Variants in PRKDC observed in about 807,000 individuals in gnomAD.
PRKDC encodes the protein DNA-dependent protein kinase catalytic subunit.
A neutral mutation model predicts 486.9 loss-of-function variants in PRKDC; 82 were observed. The observed-to-expected ratio is 0.17, with a 90% CI of 0.14 to 0.20. The LOEUF (loss-of-function observed/expected upper bound fraction) is 0.20. PRKDC is among the 10% of genes least tolerant of loss of function. PRKDC has a pLI of 1.00. For synonymous variants in PRKDC, 1,895 were observed against 1,837.0 expected, an observed-to-expected ratio of 1.03 and a Z score of -0.81; for missense variants, 4,504 against 5,038.2, an observed-to-expected ratio of 0.89 and a Z score of 3.21.
At chr8:47,878,987 C>T (rs2089148816) in intron 39 of PRKDC, among the ~76,000 whole-genome samples, 1 of 152,200 alleles carries the variant, frequency 6.6e-6, no homozygotes, top group African/African-American at 2.4e-5. Flanking sequence ...ATAAGGGATG[C>T]TCAACCTATC....
intron 77 of PRKDC, among the ~76,000 whole-genome samples, chr8:47,784,800 T>C (rs2086763362): frequency 6.6e-6 from 1 of 152,110 alleles, no homozygotes; most frequent in African/African-American, 2.4e-5. Flanking sequence ...TGAAGAAAAG[T>C]TATTCAGGAG....
intron 74 of PRKDC, among the ~76,000 whole-genome samples, chr8:47,793,540 T>A (rs1186763096): frequency 6.6e-6 from 1 of 151,560 alleles, no homozygotes; most frequent in African/African-American, 2.4e-5. Context: ...CTCAGGAGGC[T>A]GAGGCAGGGA....
At chr8:47,866,696 A>G (rs1589753042) in intron 40 of PRKDC, among the ~76,000 whole-genome samples, 1 of 152,236 alleles carries the variant, frequency 6.6e-6, no homozygotes, top group East Asian at 1.9e-4. Context: ...TGTTGGCCAG[A>G]CAGTAGTGAA....
At chr8:47,937,205 G>GAGCTGAGATCGCGCCACTGCA (rs2090367715) in intron 11 of PRKDC, among the ~76,000 whole-genome samples, 1 of 152,066 alleles carries the variant, frequency 6.6e-6, no homozygotes, top group Admixed American at 6.5e-5. Context: ...AGGTTGCGGT[G>GAGCTGAGATCGCGCCACTGCA]AGCTGAGATC....
rs751814283 is a variant in PRKDC, at chr8:47,887,661, C to G, written c.4458G>C (p.Leu1486=). The part of the protein sequence containing the change: ...HHSVGTELLS[L]VYKGIAPGDE... ...CTCCAGGGGCAATGCCTTTATAAAC[C>G]AGGGAAAGAAGTTCTGTGCCAACAG... is the stretch of plus-strand genomic sequence containing the variant. The change falls in exon 35 of 86, where the codon CTG becomes CTC. Residue 1486 remains leucine, a synonymous_variant. Transcript: ENST00000314191. 6.2e-7 allele frequency: 1 copy of G among 1,610,038 alleles called. No homozygotes were observed. Among genetic ancestry groups the G allele is most frequent in the Non-Finnish European group, 8.5e-7 (1 of 1,178,224 alleles).
intron 7 of PRKDC, among the ~76,000 whole-genome samples, chr8:47,948,776 T>A (rs1031748379): frequency 6.6e-6 from 1 of 152,180 alleles, no homozygotes; most frequent in Non-Finnish European, 1.5e-5. Flanking sequence ...GTGCCTTATA[T>A]ATATGTACCC....
Position 47,935,883 on chromosome 8 carries a change from A to G in PRKDC, c.1296T>C (p.Thr432=). The G allele has an allele frequency of 1.2e-6, 2 of 1,613,838 alleles. No individual in the cohort carries two copies. The highest frequency in any genetic ancestry group is 1.7e-6 in the Non-Finnish European group (2 of 1,179,822). ...LYLDTVPEVY[T]PVLEHLVVMQ... ...TCACCACGAGGTGCTCCAGAACTGG[A>G]GTATACACCTCAGGAACCTACCGGA... The change falls in exon 13 of 86, where the codon ACT becomes ACC. Residue 432 remains threonine (T), a synonymous_variant. Transcript: ENST00000314191.
chr8:47,898,522 T>C lies in PRKDC; in HGVS notation c.3412A>G (p.Ile1138Val), dbSNP rs1337204383. The C allele has an allele frequency of 1.9e-6, 3 of 1,564,374 alleles. No homozygotes were observed. Among genetic ancestry groups the C allele is most frequent in the Admixed American group, 3.6e-5 (2 of 55,348 alleles). Residue 1138 changes from isoleucine to valine, a missense_variant, in exon 29 of 86, where the codon ATT (isoleucine) becomes GTT (valine). Coordinates refer to ENST00000314191, the MANE Select transcript of PRKDC (RefSeq NM_006904.7). Reference sequence around the variant, plus strand: ...TTTAAAGAAACATGCTTCTTTTCAATGATGCGGCATAGGTGATCAATGGCA... The same window carrying C: ...TTTAAAGAAACATGCTTCTTTTCAACGATGCGGCATAGGTGATCAATGGCA... ...CDAIDHLCRI[I>V]EKKHVSLNKA... is the part of the protein sequence containing the mutation.
Position 47,826,743 on chromosome 8 carries a change from C to A in PRKDC, c.8696G>T (p.Arg2899Leu). 6.2e-7 allele frequency: 1 copy of A among 1,613,000 alleles called. No homozygotes were observed. Among genetic ancestry groups the A allele is most frequent in the Non-Finnish European group, 8.5e-7 (1 of 1,179,664 alleles). ...GIRLLEEALL[R>L]LLPAELPAKR... ...GGCAGGCAGCTCAGCAGGCAGCAGG[C>A]GGAGCAGAGCCTCCTCTAGCAGGCG... The change falls in exon 63 of 86, where the codon CGC becomes CTC. Residue 2899 changes from arginine (R) to leucine (L), a missense_variant. Arg to Leu is a moderately radical substitution (Grantham distance 102). Transcript: ENST00000314191.
intron 80 of PRKDC, among the ~76,000 whole-genome samples, chr8:47,780,580 A>G (rs1195779107): frequency 6.6e-6 from 1 of 152,238 alleles, no homozygotes; most frequent in Non-Finnish European, 1.5e-5. Context: ...AGTTAGCTTT[A>G]AAAGTAGTCC....
intron 54 of PRKDC, among the ~76,000 whole-genome samples, chr8:47,848,260 G>A (rs2088318138): frequency 6.6e-6 from 1 of 152,100 alleles, no homozygotes; most frequent in Admixed American, 6.5e-5. Flanking sequence ...ATGGTGGACT[G>A]GATAAAGAAA....
intron 16 of PRKDC, among the ~76,000 whole-genome samples, chr8:47,932,791 C>CA (rs61254095): frequency 4.1e-5 from 6 of 147,444 alleles, no homozygotes; most frequent in Admixed American, 6.8e-5. Context: ...ATAATTTTTT[C>CA]AAAAAAAAAA....
At chr8:47,899,092 G>A (rs1392807968) in intron 28 of PRKDC, among the ~76,000 whole-genome samples, 1 of 152,238 alleles carries the variant, frequency 6.6e-6, no homozygotes, top group Non-Finnish European at 1.5e-5. Flanking sequence ...GTCACTCACA[G>A]AAGTCTGGAA....
chr8:47,840,214 A>G (rs2088109829), intron 54 of PRKDC, 25 bp from the exon 55 acceptor site: 1 of 1,545,870 alleles, frequency 6.5e-7, no homozygotes, highest in Non-Finnish European at 8.8e-7. Context: ...TTAAAAACAC[A>G]CAAATTTAGC....
At chr8:47,794,886 T>A (rs2154498010) in intron 73 of PRKDC, among the ~76,000 whole-genome samples, 1 of 152,262 alleles carries the variant, frequency 6.6e-6, no homozygotes, top group South Asian at 2.1e-4. Context: ...ACACATAACT[T>A]TATTTATTTA....
chr8:47,954,306 C>CT, intron 5 of PRKDC, 32 bp downstream of exon 5: 1 of 926,602 alleles, frequency 1.1e-6, no homozygotes, highest in Middle Eastern at 2.6e-4. Context: ...ATTTGCTAAA[C>CT]TATTTGAAAA....
Position 47,774,122 on chromosome 8 carries a change from G to C in PRKDC, c.*51C>G. On this transcript the variant is annotated 3_prime_UTR_variant, in exon 86 of 86. Coordinates refer to ENST00000314191, the MANE Select transcript of PRKDC (RefSeq NM_006904.7). Reference sequence around the variant, plus strand: ...ATGGAATGCTGCCAACCAAAGTATAGTAGATTCTTTAAACAATGTAATGCT... The same window carrying C: ...ATGGAATGCTGCCAACCAAAGTATACTAGATTCTTTAAACAATGTAATGCT... 1.3e-6 allele frequency: 2 copies of C among 1,504,448 alleles called. No homozygotes were observed. The highest frequency in any genetic ancestry group is 2.6e-5 in the South Asian group (2 of 77,706). 93.2% of individuals were successfully genotyped at this position (1,504,448 alleles called of 1,614,324 possible).
chr8:47,831,201 A>G (rs1437612791), intron 60 of PRKDC, among the ~76,000 whole-genome samples: 2 of 152,154 alleles, frequency 1.3e-5, no homozygotes, highest in East Asian at 3.9e-4. Context: ...CTCCACAAGC[A>G]TGGCTGGGCG....
chr8:47,876,184 A>T (rs892956210), intron 40 of PRKDC, among the ~76,000 whole-genome samples: 2 of 152,210 alleles, frequency 1.3e-5, no homozygotes, highest in African/African-American at 4.8e-5. Flanking sequence ...TGCATACTCA[A>T]TAAACTACCT....
Sources: gnomAD v4.1 joint callset for allele counts (sites outside exome capture counted in the v4.1 genomes callset) on GRCh38, gnomAD v4.1.1 for gene constraint, MANE v1.5 for transcripts, NCBI Gene and HGNC (gene_info 2026-07-23, HGNC 2026-07-21) for gene names.